Variants in CORO2B observed in about 807,000 individuals in gnomAD.
The protein encoded by CORO2B is coronin 2B.
In CORO2B, 26 loss-of-function variants were observed where a neutral mutation model predicts 58.8. The observed-to-expected ratio is 0.44, with a 90% CI of 0.32 to 0.61. The LOEUF (loss-of-function observed/expected upper bound fraction) is 0.61. CORO2B is among the 20% of genes least tolerant of loss of function. The pLI is 0.04. For synonymous variants in CORO2B, 242 were observed against 253.8 expected, an observed-to-expected ratio of 0.95 and a Z score of 0.44; for missense variants, 460 against 645.1, an observed-to-expected ratio of 0.71 and a Z score of 3.11.
At chr15:68,652,491 A>G (rs1205571794) in intron 2 of CORO2B, among the ~76,000 whole-genome samples, 1 of 152,238 alleles carries the variant, frequency 6.6e-6, no homozygotes, top group African/African-American at 2.4e-5. Context: ...GAACAGGGCT[A>G]GAAACAGAGC....
chr15:68,656,784 T>C (rs1901820322), intron 2 of CORO2B, among the ~76,000 whole-genome samples: 1 of 152,220 alleles, frequency 6.6e-6, no homozygotes, highest in South Asian at 2.1e-4. Context: ...ACCTAACTGA[T>C]CTGTGCCTCA....
Position 68,645,747 on chromosome 15 carries a change from A to G in CORO2B, c.216+387A>G, listed in dbSNP as rs1473635382. On this transcript the variant is annotated intron_variant, in intron 2 of 11. Coordinates refer to ENST00000261861, the MANE Select transcript of CORO2B (RefSeq NM_006091.5). This position sits in a 1 kb window ranked among gnomAD's most constrained non-coding sequence, Gnocchi z 4.5. The stretch of plus-strand genomic sequence containing the variant: ...AAGGGATGAAGACCTAGCCATAGGT[A>G]TTATACATTGAGCATCTGCAAAAAT... 6.6e-6 allele frequency among the ~76,000 whole-genome samples: 1 copy of G among 151,996 alleles called. No individual in the cohort carries two copies. Among genetic ancestry groups the G allele is most frequent in the African/African-American group, 2.4e-5 (1 of 41,384 alleles).
intron 3 of CORO2B, among the ~76,000 whole-genome samples, chr15:68,696,025 C>T (rs1165832195): frequency 1.3e-5 from 2 of 151,276 alleles, no homozygotes; most frequent in Non-Finnish European, 2.9e-5. Flanking sequence ...TCACTTGAGG[C>T]CAGGAGTTTG....
chr15:68,678,168 C>CTGGCGG (rs1405050982), intron 2 of CORO2B, among the ~76,000 whole-genome samples: 1 of 152,236 alleles, frequency 6.6e-6, no homozygotes, highest in Non-Finnish European at 1.5e-5. Flanking sequence ...TCCTACAACA[C>CTGGCGG]TGGCGGGGTT....
chr15:68,684,976 G>C (rs1429435446), intron 2 of CORO2B, among the ~76,000 whole-genome samples: 1 of 152,206 alleles, frequency 6.6e-6, no homozygotes, highest in Non-Finnish European at 1.5e-5. Flanking sequence ...CAGATGGTCT[G>C]GAATGCATGG....
chr15:68,657,783 G>A (rs930952099), intron 2 of CORO2B, among the ~76,000 whole-genome samples: 3 of 152,304 alleles, frequency 2.0e-5, no homozygotes, highest in African/African-American at 4.8e-5. Context: ...ATACACGAAA[G>A]AAATGTGAGG....
chr15:68,554,250 A>G, the CORO2B span, among the ~76,000 whole-genome samples: 147,156 of 152,176 alleles, frequency 0.97, 71,176 homozygotes, highest in East Asian at 1. Flanking sequence ...TGAGTGGACT[A>G]GACTCACAGG....
rs895665516 is a variant in CORO2B, at chr15:68,632,033, G to C, written c.16-13127G>C. On this transcript the variant is annotated intron_variant, in intron 1 of 11. Coordinates refer to ENST00000261861, the MANE Select transcript of CORO2B (RefSeq NM_006091.5). The stretch of plus-strand genomic sequence containing the variant: ...GTAATGAGGGAGGCAGGGCTAGAGG[G>C]TGACTAGCAGCCAGGCCTCCCAGGC... 6.1e-5 allele frequency: 60 copies of C among 985,474 alleles called. No individual in the cohort carries two copies. In the African/African-American group the frequency reaches 1.0e-3, roughly 17 times the overall value. 61.0% of individuals were successfully genotyped at this position (985,474 alleles called of 1,614,324 possible). A position where few individuals can be genotyped will look rare whatever the true frequency, so the allele number is the denominator to read the frequency against.
intron 2 of CORO2B, among the ~76,000 whole-genome samples, chr15:68,674,271 C>G (rs1163394173): frequency 1.3e-5 from 2 of 152,150 alleles, no homozygotes; most frequent in Non-Finnish European, 2.9e-5. Context: ...AGAAGCAACC[C>G]TTTGGGGTCT....
Position 68,599,349 on chromosome 15 carries a change from C to T in CORO2B, c.15+20072C>T, listed in dbSNP as rs886351784. The stretch of plus-strand genomic sequence containing the variant: ...ATGCCCTGAGTGGGAGGGAGCGTGT[C>T]GCGCCACAGATCCCATTGGGTGCTC... On this transcript the variant is annotated intron_variant, in intron 1 of 11. Transcript: ENST00000261861. 4.6e-5 allele frequency among the ~76,000 whole-genome samples: 7 copies of T among 152,196 alleles called. No homozygotes were observed. The East Asian group carries it at 9.6e-4, about 21-fold the overall frequency.
At chr15:68,654,516 C>T (rs1438198058) in intron 2 of CORO2B, among the ~76,000 whole-genome samples, 2 of 152,222 alleles carry the variant, frequency 1.3e-5, no homozygotes, top group Non-Finnish European at 2.9e-5. Context: ...ATCTGGCAGT[C>T]TGCTTGATCT....
At chr15:68,718,838 AG>A (rs771529187) in intron 9 of CORO2B, 28 bp downstream of exon 9, 14 of 1,571,674 alleles carry the variant, frequency 8.9e-6, no homozygotes, top group Non-Finnish European at 1.1e-5. Flanking sequence ...GGGCTCCAGG[AG>A]GGGGGCCTGC....
intron 3 of CORO2B, among the ~76,000 whole-genome samples, chr15:68,698,532 C>T (rs572430144): frequency 5.9e-5 from 9 of 152,344 alleles, no homozygotes; most frequent in Non-Finnish European, 1.5e-5. Context: ...TCCCCGGCCA[C>T]ATGAGCCAAG....
chr15:68,609,835 CTG>C (rs949306336), intron 1 of CORO2B, among the ~76,000 whole-genome samples: 2 of 152,162 alleles, frequency 1.3e-5, no homozygotes, highest in African/African-American at 4.8e-5. Context: ...GCGTCACTGA[CTG>C]TGATGGCAGG....
chr15:68,677,636 A>T (rs1055535548), intron 2 of CORO2B, among the ~76,000 whole-genome samples: 2 of 152,168 alleles, frequency 1.3e-5, no homozygotes, highest in Admixed American at 1.3e-4. Context: ...GCAGGAAGAA[A>T]ATAGCTGTCT....
chr15:68,674,673 G>A (rs546114158), intron 2 of CORO2B, among the ~76,000 whole-genome samples: 1 of 152,318 alleles, frequency 6.6e-6, no homozygotes, highest in East Asian at 1.9e-4. Context: ...GCTTCTCCGT[G>A]GAGCACACGC....
chr15:68,622,328 G>A (rs982319917), intron 1 of CORO2B, among the ~76,000 whole-genome samples: 4 of 152,146 alleles, frequency 2.6e-5, no homozygotes, highest in African/African-American at 9.7e-5. Flanking sequence ...GGATGTGAGG[G>A]TTGGTTGTAC....
rs978830094 is a variant in CORO2B, at chr15:68,579,213, CCGCCCCCGCACGCCGCGCCCG to C, written c.-40_-20del. 2 of 1,039,136 alleles carry C rather than the reference CCGCCCCCGCACGCCGCGCCCG, an allele frequency of 1.9e-6. No homozygotes were observed. Among genetic ancestry groups the C allele is most frequent in the East Asian group, 8.0e-5 (1 of 12,510 alleles). The allele number at this position is 1,039,136 out of a possible 1,614,324, so 64.4% of individuals were successfully genotyped here. On this transcript the variant is annotated 5_prime_UTR_variant, in exon 1 of 12. Transcript: ENST00000261861. ...CCGCCGCCGCCCCGGGCCGCCGCCGCCGCCCCCGCACGCCGCGCCCGCGCCCCCGCTCCGCCGCGGAGTTTC... is the reference window on the plus strand; with the variant it reads ...CCGCCGCCGCCCCGGGCCGCCGCCGCCGCCCCCGCTCCGCCGCGGAGTTTC...
rs1335779963 is a variant in CORO2B, at chr15:68,727,614, C to T, written c.*1640C>T. The T allele has an allele frequency of 6.5e-6, 1 of 152,676 alleles. No individual in the cohort carries two copies. Among genetic ancestry groups the T allele is most frequent in the Non-Finnish European group, 1.5e-5 (1 of 68,122 alleles). The allele number at this position is 152,676 out of a possible 1,614,324, so 9.5% of individuals were successfully genotyped here. On this transcript the variant is annotated 3_prime_UTR_variant, in exon 12 of 12. Transcript: ENST00000261861. ...GCTGGGCCTTTCCTTTATGAACCTC[C>T]ATCCTCCCAGCCAGCTACAGTAGGG... is the stretch of plus-strand genomic sequence containing the variant.
Sources: gnomAD v4.1 joint callset for allele counts (sites outside exome capture counted in the v4.1 genomes callset) on GRCh38, gnomAD v4.1.1 for gene constraint, Gnocchi (gnomAD v3.1) non-coding constraint, MANE v1.5 for transcripts, NCBI Gene and HGNC (gene_info 2026-07-23, HGNC 2026-07-21) for gene names.